KCNB2: variants seen among roughly 807,000 people sequenced by gnomAD.
KCNB2 encodes potassium voltage-gated channel subfamily B member 2.
Under a neutral mutation model 61.5 loss-of-function variants are expected in KCNB2, and 15 were observed. The observed-to-expected ratio is 0.24, with a 90% CI of 0.16 to 0.38. The LOEUF (loss-of-function observed/expected upper bound fraction) is 0.38, where lower values mean the gene tolerates loss of function less well. KCNB2 is among the 10% of genes least tolerant of loss of function. The probability of loss-of-function intolerance (pLI) is 1.00; values close to 1 mark genes in which losing one functional copy is unlikely to be tolerated. For missense variants in KCNB2, 828 were observed against 1,125.2 expected (o/e 0.74, Z 3.78); for synonymous variants, 457 against 446.0 (o/e 1.02, Z -0.31).
At chr8:72,597,029 T>G (rs1373894484) in intron 2 of KCNB2, among the ~76,000 whole-genome samples, 1 of 74,104 alleles carries the variant, frequency 1.3e-5, no homozygotes, top group African/African-American at 4.2e-5. Flanking sequence ...TTTTTTTTTT[T>G]TTTTTTTTTT....
At chr8:72,759,897 G>A (rs778560281) in intron 2 of KCNB2, among the ~76,000 whole-genome samples, 6 of 152,122 alleles carry the variant, frequency 3.9e-5, no homozygotes, top group Non-Finnish European at 7.4e-5. Context: ...AGTCAAGGTC[G>A]GGACAAAGCC....
At chr8:72,897,277 A>G (rs1243739131) in intron 2 of KCNB2, among the ~76,000 whole-genome samples, 2 of 150,726 alleles carry the variant, frequency 1.3e-5, no homozygotes, top group Non-Finnish European at 2.9e-5. Context: ...GTGAAAATAA[A>G]AAAATTATCT....
chr8:72,863,743 C>G (rs778071909), intron 2 of KCNB2, among the ~76,000 whole-genome samples: 9 of 152,230 alleles, frequency 5.9e-5, no homozygotes, highest in Non-Finnish European at 1.3e-4. Context: ...GACATGGTGG[C>G]TTATGCCTAT....
chr8:72,787,096 G>A (rs1430869946), intron 2 of KCNB2, among the ~76,000 whole-genome samples: 2 of 152,108 alleles, frequency 1.3e-5, no homozygotes, highest in South Asian at 2.1e-4. Flanking sequence ...CCCTGACACA[G>A]GGAGTAAACT....
intron 2 of KCNB2, among the ~76,000 whole-genome samples, chr8:72,578,514 T>C (rs1017822700): frequency 3.3e-5 from 5 of 152,124 alleles, no homozygotes; most frequent in African/African-American, 1.2e-4. Context: ...GCATTATGAG[T>C]AATATTAAAA....
chr8:72,827,852 G>A (rs577824773), intron 2 of KCNB2, among the ~76,000 whole-genome samples: 12 of 149,642 alleles, frequency 8.0e-5, no homozygotes, highest in African/African-American at 2.5e-4. Context: ...TCACTCTGCC[G>A]CCCAGGCTAG....
intron 2 of KCNB2, among the ~76,000 whole-genome samples, chr8:72,776,257 G>C (rs901761969): frequency 3.0e-5 from 4 of 134,168 alleles, no homozygotes; most frequent in Non-Finnish European, 6.3e-5. Context: ...GTCGTGGGGT[G>C]GGGGGAGGGA....
At chr8:72,839,043 A>G (rs1216367099) in intron 2 of KCNB2, among the ~76,000 whole-genome samples, 1 of 152,182 alleles carries the variant, frequency 6.6e-6, no homozygotes, top group Non-Finnish European at 1.5e-5. Flanking sequence ...ACTATTTTAA[A>G]CAATTATAAT....
chr8:72,550,243 A>T (rs1458738196), intron 1 of KCNB2, among the ~76,000 whole-genome samples: 1 of 152,236 alleles, frequency 6.6e-6, no homozygotes, highest in Non-Finnish European at 1.5e-5. Context: ...GAAATGAGAA[A>T]GCAATTCTTT....
At chr8:72,911,781 C>G (rs2129007486) in intron 2 of KCNB2, among the ~76,000 whole-genome samples, 2 of 152,304 alleles carry the variant, frequency 1.3e-5, no homozygotes, top group Middle Eastern at 6.8e-3. Context: ...AGCTAGGCCA[C>G]CTAGTAGCTA....
At chr8:72,585,219 A>T (rs945238447) in intron 2 of KCNB2, among the ~76,000 whole-genome samples, 21 of 152,206 alleles carry the variant, frequency 1.4e-4, no homozygotes, top group African/African-American at 4.8e-4. Flanking sequence ...CAGACTATAG[A>T]CAAGAGATGC....
At chr8:72,923,689 T>C (rs1806576337) in intron 2 of KCNB2, among the ~76,000 whole-genome samples, 1 of 149,842 alleles carries the variant, frequency 6.7e-6, no homozygotes, top group Admixed American at 6.6e-5. Flanking sequence ...CATTTGTCTG[T>C]ACCAAACTTA....
chr8:72,884,639 G>A (rs1805772247), intron 2 of KCNB2, among the ~76,000 whole-genome samples: 1 of 152,106 alleles, frequency 6.6e-6, no homozygotes, highest in African/African-American at 2.4e-5. Context: ...TTGGGAAATA[G>A]GGCTTTATAA....
At chr8:72,892,116 G>A (rs1485220570) in intron 2 of KCNB2, among the ~76,000 whole-genome samples, 1 of 152,212 alleles carries the variant, frequency 6.6e-6, no homozygotes, top group Admixed American at 6.5e-5. Context: ...AACAGCAGGA[G>A]AGGAAATCTG....
At chr8:72,923,967 G>A (rs1806584283) in intron 2 of KCNB2, among the ~76,000 whole-genome samples, 1 of 152,082 alleles carries the variant, frequency 6.6e-6, no homozygotes, top group Non-Finnish European at 1.5e-5. Context: ...CCCTACTTCT[G>A]TAAACGTAAT....
chr8:72,744,347 C>T (rs531512075), intron 2 of KCNB2, among the ~76,000 whole-genome samples: 2 of 152,292 alleles, frequency 1.3e-5, no homozygotes, highest in South Asian at 4.1e-4. Flanking sequence ...CAGTGAGCAG[C>T]ACTTGGTGAA....
At chr8:72,733,416 C>T (rs1335185477) in intron 2 of KCNB2, among the ~76,000 whole-genome samples, 3 of 152,150 alleles carry the variant, frequency 2.0e-5, no homozygotes, top group African/African-American at 7.2e-5. Flanking sequence ...CTTGACCAAA[C>T]AGGAGGCAGC....
At chr8:72,908,701 C>T (rs1806225682) in intron 2 of KCNB2, among the ~76,000 whole-genome samples, 1 of 152,194 alleles carries the variant, frequency 6.6e-6, no homozygotes, top group Admixed American at 6.5e-5. Flanking sequence ...TAGACAAAGG[C>T]AACAGCTGCA....
chr8:72,564,153 CA>C (rs944095147), intron 1 of KCNB2, among the ~76,000 whole-genome samples: 2 of 152,120 alleles, frequency 1.3e-5, no homozygotes, highest in African/African-American at 4.8e-5. Flanking sequence ...ACACACCCTA[CA>C]AAAAGGAAAA....
Sources: allele counts gnomAD v4.1 joint callset (sites outside exome capture counted in the v4.1 genomes callset), GRCh38; gene constraint gnomAD v4.1.1; transcripts MANE v1.5; gene names NCBI Gene and HGNC (gene_info 2026-07-23, HGNC 2026-07-21).